Variants in JAKMIP1 observed in about 807,000 individuals in gnomAD.
JAKMIP1 encodes janus kinase and microtubule-interacting protein 1.
A neutral mutation model predicts 113.0 loss-of-function variants in JAKMIP1; 33 were observed. The observed-to-expected ratio is 0.29, with a 90% CI of 0.22 to 0.39. JAKMIP1 has a LOEUF of 0.39. Ranked by LOEUF, JAKMIP1 falls within the 10% of genes least tolerant of loss-of-function variation. The pLI is 1.00. For synonymous variants in JAKMIP1, 480 were observed against 459.9 expected, an observed-to-expected ratio of 1.04 and a Z score of -0.56; for missense variants, 813 against 1,080.5, an observed-to-expected ratio of 0.75 and a Z score of 3.47.
At chr4:6,105,022 T>C (rs949126222) in intron 3 of JAKMIP1, among the ~76,000 whole-genome samples, 7 of 152,256 alleles carry the variant, frequency 4.6e-5, no homozygotes, top group Non-Finnish European at 8.8e-5. Context: ...TTTGGAATTT[T>C]AGTTCATCCA....
intron 19 of JAKMIP1, among the ~76,000 whole-genome samples, chr4:6,033,112 G>C (rs1385765222): frequency 1.3e-5 from 2 of 152,218 alleles, no homozygotes; most frequent in African/African-American, 4.8e-5. Flanking sequence ...GCTGGGAAAG[G>C]TGCCATTCAC....
chr4:6,197,952 G>A lies in JAKMIP1; in HGVS notation c.-148+2301C>T, dbSNP rs138409295. Among the ~76,000 whole-genome samples the A allele has an allele frequency of 1.5e-3, 221 of 152,218 alleles. No homozygotes were observed. The highest frequency in any genetic ancestry group is 4.9e-3 in the African/African-American group (204 of 41,510). On this transcript the variant is annotated intron_variant, in intron 1 of 20. Transcript: ENST00000409021. The surrounding 1 kb of genome is among the most constrained non-coding windows in gnomAD (Gnocchi z 6.5). ...GGGGCCACGGTCCTGCCACTTCCTC[G>A]TGCAGCCTTCCTGGCCGGGCCGCCT...
At chr4:6,043,372 C>A (rs778043026) in intron 16 of JAKMIP1, among the ~76,000 whole-genome samples, 60 of 152,006 alleles carry the variant, frequency 3.9e-4, no homozygotes, top group Admixed American at 1.6e-3. Context: ...AGCTGGTCAC[C>A]CTCGCCAGGT....
rs1011591361 is a variant in JAKMIP1 at position 6,081,570 on chromosome 4, G to A, written c.1101+39C>T. The A allele has an allele frequency of 3.7e-6, 6 of 1,610,992 alleles. No homozygotes were observed. Among genetic ancestry groups the A allele is most frequent in the Non-Finnish European group, 5.1e-6 (6 of 1,177,916 alleles). On this transcript the variant is annotated intron_variant, in intron 6 of 20. Transcript: ENST00000409021. The surrounding 1 kb of genome is among the most constrained non-coding windows in gnomAD (Gnocchi z 4.6). ...GGGCTGAAGAATCCCAGACAGAGAA[G>A]GGAGTGTCAGGGCTGTCCCCAAGGG...
intron 2 of JAKMIP1, among the ~76,000 whole-genome samples, chr4:6,110,617 G>A (rs1714767587): frequency 6.9e-6 from 1 of 144,534 alleles, no homozygotes; most frequent in African/African-American, 2.5e-5. Flanking sequence ...AGGTCACCCT[G>A]ATGGTCATGT....
At chr4:6,057,148 G>A (rs59864460) in intron 11 of JAKMIP1, among the ~76,000 whole-genome samples, 2,165 of 152,234 alleles carry the variant, frequency 0.014, 29 homozygotes, top group Middle Eastern at 0.041. Flanking sequence ...CTCTGCCTGC[G>A]ATGCCCTTCC....
intron 1 of JAKMIP1, among the ~76,000 whole-genome samples, chr4:6,195,321 G>C (rs368978740): frequency 1.3e-5 from 2 of 152,194 alleles, no homozygotes; most frequent in African/African-American, 4.8e-5. Context: ...TTCTAGAGGT[G>C]GATGGTAGCG....
At chr4:6,054,199 C>A in intron 12 of JAKMIP1, 51 bp from the exon 13 acceptor site, 2 of 1,585,704 alleles carry the variant, frequency 1.3e-6, no homozygotes, top group South Asian at 1.1e-5. Context: ...GCACTGGGGT[C>A]CCCTGGTCAC....
intron 18 of JAKMIP1, among the ~76,000 whole-genome samples, chr4:6,038,868 C>G (rs900573860): frequency 6.6e-6 from 1 of 152,228 alleles, no homozygotes; most frequent in Admixed American, 6.5e-5. Context: ...AAACGCACCA[C>G]TCGATTCTGG....
At chr4:6,063,755 G>T (rs1451007980) in intron 9 of JAKMIP1, among the ~76,000 whole-genome samples, 1 of 152,216 alleles carries the variant, frequency 6.6e-6, no homozygotes, top group African/African-American at 2.4e-5. Flanking sequence ...AGTCATTCCA[G>T]ATGGGACTCC....
At chr4:6,092,407 A>T (rs1360782629) in intron 3 of JAKMIP1, among the ~76,000 whole-genome samples, 1 of 152,202 alleles carries the variant, frequency 6.6e-6, no homozygotes, top group Non-Finnish European at 1.5e-5. Context: ...GCCCAGAGGA[A>T]ACTGGAGCAC....
rs1726526466 is a variant in JAKMIP1 at position 6,185,346 on chromosome 4, A to C, written c.-148+14907T>G. ...TGTATTGGAATTGCTCCGAGGGCTC[A>C]TTAAAAGCCAGACCCCAGGGGCCGG... On this transcript the variant is annotated intron_variant, in intron 1 of 20. Coordinates refer to ENST00000409021, the MANE Select transcript of JAKMIP1 (RefSeq NM_001099433.2). This position sits in a 1 kb window ranked among gnomAD's most constrained non-coding sequence, Gnocchi z 5.3. 2.0e-5 allele frequency among the ~76,000 whole-genome samples: 3 copies of C among 152,300 alleles called. No homozygotes were observed. The South Asian group carries it at 6.2e-4, about 32-fold the overall frequency.
At chr4:6,117,664 G>A (rs1200084749) in intron 1 of JAKMIP1, among the ~76,000 whole-genome samples, 5 of 151,888 alleles carry the variant, frequency 3.3e-5, no homozygotes, top group Non-Finnish European at 5.9e-5. Flanking sequence ...GCCTGGGAGC[G>A]CTATGGGAGA....
At chr4:6,147,405 C>T (rs900478450) in intron 1 of JAKMIP1, among the ~76,000 whole-genome samples, 2 of 152,214 alleles carry the variant, frequency 1.3e-5, no homozygotes, top group Non-Finnish European at 2.9e-5. Flanking sequence ...GTCACGGAAA[C>T]ATGGGAGAAT....
chr4:6,125,277 C>G (rs780622997), intron 1 of JAKMIP1, among the ~76,000 whole-genome samples: 1 of 152,096 alleles, frequency 6.6e-6, no homozygotes, highest in Non-Finnish European at 1.5e-5. Context: ...GGAGCACCCC[C>G]ACCCGGGCTG....
At chr4:6,029,391 A>C (rs761743869) in intron 20 of JAKMIP1, among the ~76,000 whole-genome samples, 10 of 152,214 alleles carry the variant, frequency 6.6e-5, no homozygotes, top group Non-Finnish European at 1.3e-4. Flanking sequence ...GGGGGATGCC[A>C]CTGACCTCAT....
intron 3 of JAKMIP1, among the ~76,000 whole-genome samples, chr4:6,087,695 G>A (rs1337179214): frequency 2.0e-5 from 3 of 152,132 alleles, no homozygotes; most frequent in African/African-American, 7.2e-5. Flanking sequence ...CAAAAAACGT[G>A]CCAGAGGTAT....
chr4:6,035,843 G>A, intron 19 of JAKMIP1, 61 bp downstream of exon 19: 13 of 1,407,370 alleles, frequency 9.2e-6, no homozygotes, highest in Non-Finnish European at 1.2e-5. Context: ...AGGGTGCCAA[G>A]GTGCACACAG....
In JAKMIP1 at chr4:6,178,066, C is replaced by T. The variant is rs988791847; in HGVS notation, c.-148+22187G>A. Reference sequence around the variant, plus strand: ...TCCTGTCCAGCCCCTAACCCCGCCTCGTTGGCCACGCCCACTTCATGCTTC... The same window carrying T: ...TCCTGTCCAGCCCCTAACCCCGCCTTGTTGGCCACGCCCACTTCATGCTTC... On this transcript the variant is annotated intron_variant, in intron 1 of 20. Transcript: ENST00000409021. This position sits in a 1 kb window ranked among gnomAD's most constrained non-coding sequence, Gnocchi z 5.5. 3.3e-5 allele frequency among the ~76,000 whole-genome samples: 5 copies of T among 152,332 alleles called. No homozygotes were observed. The highest frequency in any genetic ancestry group is 7.2e-5 in the African/African-American group (3 of 41,584).
Sources: allele counts gnomAD v4.1 joint callset (sites outside exome capture counted in the v4.1 genomes callset), GRCh38; gene constraint gnomAD v4.1.1; non-coding constraint Gnocchi (gnomAD v3.1); transcripts MANE v1.5; gene names NCBI Gene and HGNC (gene_info 2026-07-23, HGNC 2026-07-21).